The following ZNF331 variants were observed in gnomAD, a reference collection of about 807,000 sequenced individuals.
ZNF331 encodes C2H2-like zinc finger protein rearranged in thyroid adenomas.
A neutral mutation model predicts 7.0 loss-of-function variants in ZNF331; 2 were observed. The observed-to-expected ratio is 0.29, with a 90% CI of 0.12 to 0.90. ZNF331 has a LOEUF of 0.90. ZNF331 is among the 40% of genes least tolerant of loss of function. The pLI, the probability that ZNF331 is intolerant of heterozygous loss-of-function variation, is 0.58. For synonymous variants in ZNF331, 196 were observed against 205.4 expected (o/e 0.95, Z 0.39); for missense variants, 432 against 587.7 (o/e 0.74, Z 2.74).
chr19:53,526,852 C>T (rs73049560), intron 2 of ZNF331, among the ~76,000 whole-genome samples: 12,519 of 151,514 alleles, frequency 0.083, 594 homozygotes, highest in Non-Finnish European at 0.11. Context: ...GCGCCTGGCC[C>T]GGGAACTAAT....
At chr19:53,574,439 C>G (rs922599496) in intron 5 of ZNF331, among the ~76,000 whole-genome samples, 1 of 152,140 alleles carries the variant, frequency 6.6e-6, no homozygotes, top group African/African-American at 2.4e-5. Context: ...GATCTTACCA[C>G]GAACTTGATC....
chr19:53,534,688 C>T (rs1277613954), upstream of ZNF331, among the ~76,000 whole-genome samples: 3 of 152,178 alleles, frequency 2.0e-5, no homozygotes, highest in East Asian at 5.8e-4. Context: ...CTTCAGAACT[C>T]CCTCACCTAC....
rs904574431 is a variant in ZNF331 at position 53,580,020 on chromosome 19, G to T, written c.*2068G>T. 2 of 210,600 alleles carry T rather than the reference G, an allele frequency of 9.5e-6. No individual in the cohort carries two copies. The highest frequency in any genetic ancestry group is 4.5e-5 in the African/African-American group (2 of 44,086). 13.0% of individuals were successfully genotyped at this position (210,600 alleles called of 1,614,324 possible). A position where few individuals can be genotyped will look rare whatever the true frequency, so the allele number is the denominator to read the frequency against. ...TCATTGCTCCTCAAGGAACTGTAGA[G>T]TAAAACCACAATGTGCTGTCACTCT... On this transcript the variant is annotated 3_prime_UTR_variant, in exon 6 of 6. Coordinates refer to ENST00000449416, the MANE Select transcript of ZNF331 (RefSeq NM_001079906.2).
intron 2 of ZNF331, among the ~76,000 whole-genome samples, chr19:53,529,567 A>G (rs2087450652): frequency 1.3e-5 from 2 of 152,322 alleles, no homozygotes; most frequent in South Asian, 4.1e-4. Context: ...TTACAACTGC[A>G]TGTGAATCTT....
the ZNF331 span, among the ~76,000 whole-genome samples, chr19:53,505,771 G>T: frequency 1.3e-5 from 2 of 152,062 alleles, no homozygotes; most frequent in African/African-American, 4.8e-5. Context: ...TGGATCATGA[G>T]GTCAAGAGAT....
chr19:53,555,648 A>T (rs1388380040), intron 2 of ZNF331, 197 bp from the exon 3 acceptor site: 1 of 152,200 alleles, frequency 6.6e-6, no homozygotes, highest in Non-Finnish European at 1.5e-5. Context: ...CGGTGGCCTC[A>T]GGAGTAGAAT....
At position 53,569,344 on chromosome 19, in the gene ZNF331, G is replaced by A. The variant is rs10414030; in HGVS notation, c.-33G>A. 23,945 of 1,612,776 alleles carry A rather than the reference G, an allele frequency of 0.015. 200 individuals carry two copies. Among genetic ancestry groups the A allele is most frequent in the Non-Finnish European group, 0.017 (19,949 of 1,179,136 alleles). ...ATTTGTCTTCTTCAGTGGAAACCCCGAGAAGACTGATCAGTTCTTCAGTTC... is the reference window on the plus strand; with the variant it reads ...ATTTGTCTTCTTCAGTGGAAACCCCAAGAAGACTGATCAGTTCTTCAGTTC... On this transcript the variant is annotated 5_prime_UTR_variant, in exon 4 of 6. Coordinates refer to ENST00000449416, the MANE Select transcript of ZNF331 (RefSeq NM_001079906.2).
chr19:53,521,331 A>AGTGTGAGTGTGTGTGTGT lies in ZNF331; in HGVS notation c.-1021_-1020insAGTGTGTGTGTGTGTGTG, dbSNP rs1555748068. ...GAGCAGGGAAGTGGGAGTGTGTGTGAGTGTGTGTGTGTGTGTGTGTGTGTG... is the reference window on the plus strand; with the variant it reads ...GAGCAGGGAAGTGGGAGTGTGTGTGAGTGTGAGTGTGTGTGTGTGTGTGTGTGTGTGTGTGTGTGTGTG... On this transcript the variant is annotated 5_prime_UTR_variant, in exon 1 of 7. Coordinates refer to the ZNF331 transcript ENST00000253144. The AGTGTGAGTGTGTGTGTGT allele has an allele frequency of 2.5e-4, 32 of 129,208 alleles. 1 individual carries two copies. Among genetic ancestry groups the AGTGTGAGTGTGTGTGTGT allele is most frequent in the African/African-American group, 8.0e-4 (27 of 33,578 alleles). 8.0% of individuals were successfully genotyped at this position (129,208 alleles called of 1,614,324 possible).
At position 53,522,702 on chromosome 19, in the gene ZNF331, T is replaced by G. The variant is rs2087132713; in HGVS notation, c.-205+18T>G. 2.6e-5 allele frequency: 4 copies of G among 152,212 alleles called. No homozygotes were observed. The South Asian group carries it at 8.3e-4, about 31-fold the overall frequency. 9.4% of individuals were successfully genotyped at this position (152,212 alleles called of 1,614,324 possible). ...GGTTTCAGGTGAGTTAGCTTTTTGT[T>G]CATTCAATGATTTGTATTTATACAA... On this transcript the variant is annotated intron_variant, in intron 2 of 6. Transcript: ENST00000253144.
chr19:53,572,695 T>G (rs1206849570), intron 5 of ZNF331, among the ~76,000 whole-genome samples: 3 of 151,294 alleles, frequency 2.0e-5, no homozygotes, highest in Non-Finnish European at 2.9e-5. Flanking sequence ...TGCCATGCAC[T>G]GTGCTAAGCA....
intron 2 of ZNF331, among the ~76,000 whole-genome samples, chr19:53,550,680 G>A (rs1346773272): frequency 6.6e-6 from 1 of 150,454 alleles, no homozygotes; most frequent in South Asian, 2.1e-4. Context: ...GGGATTACAG[G>A]CTCCTGCCAC....
In ZNF331 at chr19:53,578,674, T is replaced by A; in HGVS notation, c.*722T>A. ...CTGCGGGTCTTCAAACGTACCCCCC[T>A]CAGGTGAGAGGGGACTGCTGTACAA... On this transcript the variant is annotated 3_prime_UTR_variant, in exon 6 of 6. Transcript: ENST00000449416. 1 of 207,950 alleles carries A rather than the reference T, an allele frequency of 4.8e-6. No homozygotes were observed. The highest frequency in any genetic ancestry group is 9.8e-6 in the Non-Finnish European group (1 of 102,082). The allele number at this position is 207,950 out of a possible 1,614,324, so 12.9% of individuals were successfully genotyped here. A position where few individuals can be genotyped will look rare whatever the true frequency, so the allele number is the denominator to read the frequency against.
chr19:53,528,246 A>C (rs16984967), intron 2 of ZNF331, among the ~76,000 whole-genome samples: 12,504 of 152,272 alleles, frequency 0.082, 592 homozygotes, highest in Non-Finnish European at 0.11. Flanking sequence ...CTGCTGATTC[A>C]AATAAATTCA....
intron 2 of ZNF331, among the ~76,000 whole-genome samples, chr19:53,541,452 TC>T: frequency 6.6e-6 from 1 of 152,056 alleles, no homozygotes; most frequent in Non-Finnish European, 1.5e-5. Context: ...TTTTGTTTTT[TC>T]CTTATAGACA....
chr19:53,574,763 G>A (rs2147696342), intron 5 of ZNF331, among the ~76,000 whole-genome samples: 1 of 152,262 alleles, frequency 6.6e-6, no homozygotes, highest in East Asian at 1.9e-4. Flanking sequence ...CACACTGGGG[G>A]CTCAAATGGT....
At chr19:53,505,040 C>G in the ZNF331 span, among the ~76,000 whole-genome samples, 24 of 152,252 alleles carry the variant, frequency 1.6e-4, no homozygotes, top group African/African-American at 4.8e-4. Flanking sequence ...CAGGAAAGGA[C>G]GAAGAGTCCC....
intron 2 of ZNF331, among the ~76,000 whole-genome samples, chr19:53,545,825 G>C (rs79221408): frequency 6.6e-6 from 1 of 152,178 alleles, no homozygotes; most frequent in South Asian, 2.1e-4. Context: ...CGTGTTCTCC[G>C]TACCGGCTCC....
At chr19:53,547,709 A>G (rs2088707782) in intron 2 of ZNF331, among the ~76,000 whole-genome samples, 1 of 152,154 alleles carries the variant, frequency 6.6e-6, no homozygotes, top group South Asian at 2.1e-4. Flanking sequence ...TTTTTAATAA[A>G]AGCCATTCTT....
chr19:53,550,529 CTTTTTT>C (rs60619357), intron 2 of ZNF331, among the ~76,000 whole-genome samples: 1 of 64,548 alleles, frequency 1.5e-5, no homozygotes, highest in Non-Finnish European at 2.6e-5. Flanking sequence ...TCTATTTTGT[CTTTTTT>C]TTTTTTTTTT....
Sources: allele counts gnomAD v4.1 joint callset (sites outside exome capture counted in the v4.1 genomes callset), GRCh38; gene constraint gnomAD v4.1.1; transcripts MANE v1.5; gene names NCBI Gene and HGNC (gene_info 2026-07-23, HGNC 2026-07-21).